Variants in SV2C observed in about 807,000 individuals in gnomAD.
SV2C encodes the protein synaptic vesicle glycoprotein 2C, also known as solute carrier family 22 member B3.
Under a neutral mutation model 79.7 loss-of-function variants are expected in SV2C, and 49 were observed. That is an observed-to-expected ratio of 0.61 (90% CI 0.49 to 0.78). The LOEUF (loss-of-function observed/expected upper bound fraction) is 0.78. SV2C is among the 30% of genes least tolerant of loss of function. The probability of loss-of-function intolerance (pLI) is 0.00; values close to 1 mark genes in which losing one functional copy is unlikely to be tolerated. For missense variants in SV2C, 833 were observed against 912.9 expected, an observed-to-expected ratio of 0.91 and a Z score of 1.13; for synonymous variants, 334 against 333.2, an observed-to-expected ratio of 1.00 and a Z score of -0.03.
chr5:75,972,552 T>C, the SV2C span, among the ~76,000 whole-genome samples: 1 of 152,164 alleles, frequency 6.6e-6, no homozygotes, highest in South Asian at 2.1e-4. Flanking sequence ...AAGACATTTA[T>C]GCAGCCAAAA....
At chr5:76,245,620 C>T (rs1280403879) in intron 4 of SV2C, among the ~76,000 whole-genome samples, 2 of 152,090 alleles carry the variant, frequency 1.3e-5, no homozygotes, top group Non-Finnish European at 2.9e-5. Flanking sequence ...ATTCTAAGGC[C>T]GTGGTCCAGT....
chr5:76,072,777 G>T, the SV2C span, among the ~76,000 whole-genome samples: 1 of 152,116 alleles, frequency 6.6e-6, no homozygotes, highest in Middle Eastern at 3.4e-3. Flanking sequence ...CTATTATTTT[G>T]ATTCTGATTA....
At chr5:75,884,582 C>A in the SV2C span, among the ~76,000 whole-genome samples, 3 of 152,000 alleles carry the variant, frequency 2.0e-5, no homozygotes, top group Non-Finnish European at 4.4e-5. Context: ...ATACATGCTT[C>A]TTGACTGTTC....
the SV2C span, among the ~76,000 whole-genome samples, chr5:76,071,874 T>C: frequency 1.3e-5 from 2 of 152,190 alleles, no homozygotes; most frequent in African/African-American, 4.8e-5. Context: ...ACTCAATGCA[T>C]TAATAGACCT....
At chr5:75,920,995 G>T in the SV2C span, 2 of 705,322 alleles carry the variant, frequency 2.8e-6, no homozygotes, top group Non-Finnish European at 5.2e-6. Flanking sequence ...TGTGCTCCCC[G>T]TGCGAGTCCT....
At chr5:75,914,354 A>C in the SV2C span, among the ~76,000 whole-genome samples, 2 of 152,174 alleles carry the variant, frequency 1.3e-5, no homozygotes, top group African/African-American at 4.8e-5. Flanking sequence ...TGTCAGTTTG[A>C]GTAATATTCA....
chr5:76,087,571 G>A (rs1236825541), intron 1 of SV2C, among the ~76,000 whole-genome samples: 1 of 152,170 alleles, frequency 6.6e-6, no homozygotes, highest in Non-Finnish European at 1.5e-5. Context: ...TGTTTAAGTG[G>A]GAATTTCTGA....
the SV2C span, among the ~76,000 whole-genome samples, chr5:75,987,267 G>C: frequency 6.6e-6 from 1 of 152,066 alleles, no homozygotes; most frequent in South Asian, 2.1e-4. Flanking sequence ...AGTTTTTGAT[G>C]CACTTCCAGC....
the SV2C span, among the ~76,000 whole-genome samples, chr5:76,056,538 A>C: frequency 1.3e-5 from 2 of 150,828 alleles, no homozygotes; most frequent in Non-Finnish European, 2.9e-5. Flanking sequence ...CTCCTCTTCA[A>C]TTGTTTAGTT....
chr5:76,285,392 C>G, intron 5 of SV2C, 97 bp downstream of exon 5: 1 of 1,506,626 alleles, frequency 6.6e-7, no homozygotes, highest in South Asian at 1.3e-5. Context: ...TTGAGAGGTA[C>G]ATTTTCCCTT....
chr5:75,936,148 T>C, the SV2C span, among the ~76,000 whole-genome samples: 2 of 152,220 alleles, frequency 1.3e-5, no homozygotes, highest in Non-Finnish European at 2.9e-5. Context: ...CTTAGGAAAC[T>C]CATGCAATCT....
In SV2C at chr5:76,313,072, G is replaced by T. The variant is rs190590898; in HGVS notation, c.2000+11527G>T. Reference sequence around the variant, plus strand: ...ACACCACTCAGCCTAGCTGGGCCTGGATTGTTTGAGATTTAAATGAGGAGT... The same window carrying T: ...ACACCACTCAGCCTAGCTGGGCCTGTATTGTTTGAGATTTAAATGAGGAGT... On this transcript the variant is annotated intron_variant, in intron 12 of 12. Transcript: ENST00000502798. 3.0e-4 allele frequency among the ~76,000 whole-genome samples: 46 copies of T among 152,224 alleles called. 1 individual carries two copies. Among genetic ancestry groups the T allele is most frequent in the Admixed American group, 2.9e-3 (44 of 15,288 alleles).
At chr5:75,869,080 C>G in the SV2C span, among the ~76,000 whole-genome samples, 2 of 152,166 alleles carry the variant, frequency 1.3e-5, no homozygotes, top group Non-Finnish European at 2.9e-5. Context: ...ACTTTAGGTA[C>G]CCGCTTGGCC....
At chr5:76,089,916 G>T (rs1036693802) in intron 1 of SV2C, among the ~76,000 whole-genome samples, 1 of 152,178 alleles carries the variant, frequency 6.6e-6, no homozygotes, top group Non-Finnish European at 1.5e-5. Flanking sequence ...TATACGCAAA[G>T]CTCCTAGCAT....
the SV2C span, among the ~76,000 whole-genome samples, chr5:75,897,110 T>G: frequency 6.7e-6 from 1 of 149,322 alleles, no homozygotes; most frequent in Admixed American, 6.6e-5. Context: ...TTGTTGCCAT[T>G]GCTTTTGGTG....
intron 3 of SV2C, among the ~76,000 whole-genome samples, chr5:76,197,707 C>CAGACAGATAGATAGATAGAT (rs1554039521): frequency 6.9e-6 from 1 of 145,494 alleles, no homozygotes; most frequent in Non-Finnish European, 1.5e-5. Context: ...GATAGACAGG[C>CAGACAGATAGATAGATAGAT]AGATAGATAG....
At chr5:76,045,363 T>G in the SV2C span, among the ~76,000 whole-genome samples, 2 of 152,204 alleles carry the variant, frequency 1.3e-5, no homozygotes, top group Non-Finnish European at 2.9e-5. Context: ...TCTAGCTTTG[T>G]TCTTTTTGCT....
chr5:76,030,289 T>TTTTTTTTTTTTTATTTATTTATTTA, the SV2C span, among the ~76,000 whole-genome samples: 1 of 117,874 alleles, frequency 8.5e-6, no homozygotes, highest in African/African-American at 3.9e-5. Context: ...TTTTTTTTTT[T>TTTTTTTTTTTTTATTTATTTATTTA]TTTATTTATT....
the SV2C span, among the ~76,000 whole-genome samples, chr5:75,968,805 G>C: frequency 2.0e-5 from 3 of 152,182 alleles, no homozygotes; most frequent in Admixed American, 6.5e-5. Flanking sequence ...CCAACATTCA[G>C]ATTCAGGAAA....
Sources: allele counts gnomAD v4.1 joint callset (sites outside exome capture counted in the v4.1 genomes callset), GRCh38; gene constraint gnomAD v4.1.1; transcripts MANE v1.5; gene names NCBI Gene and HGNC (gene_info 2026-07-23, HGNC 2026-07-21).